LEO1: variants seen among roughly 807,000 people sequenced by gnomAD.
LEO1 encodes the protein LEO1 component of Paf1/RNA polymerase II complex.
In LEO1, 34 loss-of-function variants were observed where a neutral mutation model predicts 80.4. The observed-to-expected ratio is 0.42, with a 90% CI of 0.32 to 0.56. LEO1 has a LOEUF of 0.56. Ranked by LOEUF, LEO1 falls within the 20% of genes least tolerant of loss-of-function variation. LEO1 has a pLI of 0.10. For missense variants in LEO1, 631 were observed against 814.2 expected (o/e 0.77, Z 2.74); for synonymous variants, 262 against 274.9 (o/e 0.95, Z 0.46).
Position 51,969,876 on chromosome 15 carries a change from A to G in LEO1, c.58+1812T>C, listed in dbSNP as rs184005104. On this transcript the variant is annotated intron_variant, in intron 1 of 11. Coordinates refer to ENST00000299601, the MANE Select transcript of LEO1 (RefSeq NM_138792.4). ...AAAAAAAAAAAAGATGTTCAGCATC[A>G]TTAGCCTTTGGGAAAGTGTAAACTG... Among the ~76,000 whole-genome samples the G allele has an allele frequency of 1.3e-4, 19 of 148,182 alleles. No individual in the cohort carries two copies. In the East Asian group the frequency reaches 3.6e-3, roughly 28 times the overall value.
At position 51,962,653 on chromosome 15, in the gene LEO1, A is replaced by G. The variant is rs1037655780; in HGVS notation, c.815-160T>C. 5.3e-5 allele frequency among the ~76,000 whole-genome samples: 8 copies of G among 152,264 alleles called. 1 individual carries two copies. The highest frequency in any genetic ancestry group is 8.8e-5 in the Non-Finnish European group (6 of 68,050). On this transcript the variant is annotated intron_variant, in intron 2 of 11. Transcript: ENST00000299601. Reference sequence around the variant, plus strand: ...ATACATGTAACCAATTGGATGAATCAAAAATGCTATATGCCAAGTTAAAGA... The same window carrying G: ...ATACATGTAACCAATTGGATGAATCGAAAATGCTATATGCCAAGTTAAAGA...
chr15:51,939,701 T>G (rs1342627346), intron 11 of LEO1, among the ~76,000 whole-genome samples: 2 of 152,270 alleles, frequency 1.3e-5, no homozygotes, highest in Non-Finnish European at 2.9e-5. Context: ...ACGTTTTACA[T>G]GCAATCACTA....
At chr15:51,949,044 G>A (rs947388373) in intron 10 of LEO1, among the ~76,000 whole-genome samples, 12 of 152,178 alleles carry the variant, frequency 7.9e-5, no homozygotes, top group Admixed American at 2.0e-4. Context: ...ATGTTGTTAT[G>A]AGGATCAAAC....
chr15:51,948,873 G>A (rs898827145), intron 10 of LEO1, among the ~76,000 whole-genome samples: 1 of 152,238 alleles, frequency 6.6e-6, no homozygotes, highest in Non-Finnish European at 1.5e-5. Flanking sequence ...TAAGAACCAG[G>A]TGGATGCAGA....
At chr15:51,960,551 C>A in intron 4 of LEO1, 88 bp downstream of exon 4, 1 of 745,774 alleles carries the variant, frequency 1.3e-6, no homozygotes, top group South Asian at 1.6e-5. Context: ...ATTCAGTTAT[C>A]AACTTCCTTT....
At chr15:51,962,252 A>G (rs1380958289) in intron 3 of LEO1, 137 bp downstream of exon 3, 2 of 509,728 alleles carry the variant, frequency 3.9e-6, no homozygotes, top group Non-Finnish European at 6.8e-6. Context: ...AACTTCTCTG[A>G]GTACACTGAG....
At chr15:51,969,995 A>G (rs973349208) in intron 1 of LEO1, among the ~76,000 whole-genome samples, 25 of 152,162 alleles carry the variant, frequency 1.6e-4, no homozygotes, top group African/African-American at 6.0e-4. Context: ...ATGTGGGGAA[A>G]GGGAACCCTG....
chr15:51,962,521 A>G, intron 2 of LEO1, 28 bp from the exon 3 acceptor site: 1 of 1,485,890 alleles, frequency 6.7e-7, no homozygotes, highest in Non-Finnish European at 9.3e-7. Context: ...GAAGTTCTGC[A>G]TAATCAGTCG....
At chr15:51,951,521 TTC>T (rs1241551498) in intron 9 of LEO1, among the ~76,000 whole-genome samples, 10 of 152,248 alleles carry the variant, frequency 6.6e-5, no homozygotes, top group African/African-American at 2.4e-4. Context: ...CTCCACTGAC[TTC>T]TGACATGGAT....
intron 11 of LEO1, among the ~76,000 whole-genome samples, chr15:51,941,982 C>T (rs2056856852): frequency 6.6e-6 from 1 of 152,208 alleles, no homozygotes; most frequent in Admixed American, 6.5e-5. Flanking sequence ...CTGGCCCTTG[C>T]CCCCATTTCA....
intron 2 of LEO1, among the ~76,000 whole-genome samples, chr15:51,964,337 G>A (rs1357149177): frequency 6.6e-6 from 1 of 151,978 alleles, no homozygotes; most frequent in Non-Finnish European, 1.5e-5. Context: ...ACTCATAGGT[G>A]GGAACTGAGT....
chr15:51,959,152 G>A (rs966866145), intron 5 of LEO1, among the ~76,000 whole-genome samples: 17 of 151,946 alleles, frequency 1.1e-4, no homozygotes, highest in African/African-American at 3.4e-4. Flanking sequence ...ACAGGAATGC[G>A]CCACCATGCC....
At chr15:51,960,824 G>A in intron 3 of LEO1, 91 bp from the exon 4 acceptor site, 1 of 756,166 alleles carries the variant, frequency 1.3e-6, no homozygotes, top group Non-Finnish European at 2.3e-6. Context: ...CAAGGTTTCT[G>A]GACCAGCATC....
At chr15:51,958,599 T>G in intron 6 of LEO1, 143 bp downstream of exon 6, 1 of 611,148 alleles carries the variant, frequency 1.6e-6, no homozygotes, top group Non-Finnish European at 2.9e-6. Flanking sequence ...TCTTTCCTAA[T>G]AGTCAACAAA....
chr15:51,948,998 C>T (rs1296456783), intron 10 of LEO1, among the ~76,000 whole-genome samples: 1 of 151,930 alleles, frequency 6.6e-6, no homozygotes, highest in Non-Finnish European at 1.5e-5. Flanking sequence ...TCAGTTTCCT[C>T]AATAAAAACA....
chr15:51,938,785 AG>A (rs1176631194), intron 11 of LEO1, among the ~76,000 whole-genome samples: 2 of 152,264 alleles, frequency 1.3e-5, no homozygotes, highest in African/African-American at 4.8e-5. Flanking sequence ...ACGTTCTAAC[AG>A]AAACAAATAA....
At chr15:51,946,660 A>C (rs143205539) in intron 11 of LEO1, among the ~76,000 whole-genome samples, 40 of 151,984 alleles carry the variant, frequency 2.6e-4, no homozygotes, top group African/African-American at 9.7e-4. Context: ...TCCCACCTCA[A>C]GACTCTGGTA....
chr15:51,957,275 A>G (rs966589191), intron 6 of LEO1, among the ~76,000 whole-genome samples: 3 of 152,252 alleles, frequency 2.0e-5, no homozygotes, highest in Admixed American at 6.5e-5. Context: ...AGGAACTACT[A>G]TATTAGTTTA....
intron 11 of LEO1, among the ~76,000 whole-genome samples, chr15:51,945,262 C>CCAAAAAAAAAAA (rs2056889485): frequency 2.5e-5 from 2 of 80,394 alleles, no homozygotes; most frequent in African/African-American, 4.9e-5. Context: ...ACAAAAAATA[C>CCAAAAAAAAAAA]AAAAAAAAAA....
Sources: gnomAD v4.1 joint callset for allele counts (sites outside exome capture counted in the v4.1 genomes callset) on GRCh38, gnomAD v4.1.1 for gene constraint, MANE v1.5 for transcripts, NCBI Gene and HGNC (gene_info 2026-07-23, HGNC 2026-07-21) for gene names.